The following CACNA2D4 variants were observed in gnomAD, a reference collection of about 807,000 sequenced individuals.
CACNA2D4 encodes the protein voltage-dependent calcium channel subunit alpha-2/delta-4.
A neutral mutation model predicts 163.8 loss-of-function variants in CACNA2D4; 157 were observed. The observed-to-expected ratio is 0.96, with a 90% confidence interval of 0.84 to 1.09. CACNA2D4 has a LOEUF of 1.09. Ranked by LOEUF, CACNA2D4 falls within the 50% of genes least tolerant of loss-of-function variation. CACNA2D4 has a pLI of 0.00. For synonymous variants in CACNA2D4, 598 were observed against 586.9 expected (o/e 1.02, Z -0.27); for missense variants, 1,410 against 1,479.9 (o/e 0.95, Z 0.78).
At chr12:1,884,584 A>G (rs968968950) in intron 11 of CACNA2D4, among the ~76,000 whole-genome samples, 184 bp downstream of exon 11, 17 of 151,866 alleles carry the variant, frequency 1.1e-4, no homozygotes, top group Non-Finnish European at 2.9e-5. Context: ...TTCCTACATC[A>G]GGCCTCTGTG....
At chr12:1,864,585 C>G (rs978782988) in intron 18 of CACNA2D4, among the ~76,000 whole-genome samples, 1 of 152,212 alleles carries the variant, frequency 6.6e-6, no homozygotes, top group African/African-American at 2.4e-5. Context: ...GTGCGGGTGA[C>G]TCCTCTTCCT....
chr12:1,860,271 C>A, intron 18 of CACNA2D4, 65 bp from the exon 19 acceptor site: 2 of 1,251,188 alleles, frequency 1.6e-6, no homozygotes, highest in South Asian at 2.5e-5. Flanking sequence ...CCCACCTCGC[C>A]CCCAGGGCTC....
chr12:1,834,314 G>T lies in CACNA2D4; in HGVS notation c.2551+6425C>A. ...CTGCACCCTGCCCAAGGAGCTGAGG[G>T]GGAAGGACATGCGGATGGTCCCCAT... is the stretch of plus-strand genomic sequence containing the variant. On this transcript the variant is annotated intron_variant, in intron 26 of 37. Transcript: ENST00000382722. This position sits in a 1 kb window ranked among gnomAD's most constrained non-coding sequence, Gnocchi z 7.6. The T allele has an allele frequency of 6.2e-7, 1 of 1,608,490 alleles. No individual in the cohort carries two copies. The highest frequency in any genetic ancestry group is 8.5e-7 in the Non-Finnish European group (1 of 1,177,054).
rs574803999 is a variant in CACNA2D4 at position 1,828,208 on chromosome 12, A to G, written c.2551+12531T>C. ...GCAGGCTCGCCCTGCAGTGGAGGCA[A>G]GTCTCCTGTGAGTACACCCCTGGCC... On this transcript the variant is annotated intron_variant, in intron 26 of 37. Coordinates refer to ENST00000382722, the MANE Select transcript of CACNA2D4 (RefSeq NM_172364.5). This position sits in a 1 kb window ranked among gnomAD's most constrained non-coding sequence, Gnocchi z 4.2. 48 of 1,545,588 alleles carry G rather than the reference A, an allele frequency of 3.1e-5. 1 individual carries two copies. In the South Asian group the frequency reaches 4.7e-4, roughly 15 times the overall value.
Position 1,799,245 on chromosome 12 carries a change from C to G in CACNA2D4, c.2995+430G>C, listed in dbSNP as rs946344893. Among the ~76,000 whole-genome samples the G allele has an allele frequency of 6.6e-6, 1 of 152,206 alleles. No homozygotes were observed. The highest frequency in any genetic ancestry group is 2.4e-5 in the African/African-American group (1 of 41,460). On this transcript the variant is annotated intron_variant, in intron 34 of 37. Transcript: ENST00000382722. This position sits in a 1 kb window ranked among gnomAD's most constrained non-coding sequence, Gnocchi z 4.7. The stretch of plus-strand genomic sequence containing the variant: ...TCATGGTTGCTGCCTCTGGGGGACT[C>G]TGTCCTCAGACACAGGGTCCCGCAG...
chr12:1,879,993 G>A (rs377480995), intron 13 of CACNA2D4, 112 bp from the exon 14 acceptor site: 77 of 633,188 alleles, frequency 1.2e-4, no homozygotes, highest in Non-Finnish European at 1.9e-4. Flanking sequence ...ATTATCCAGC[G>A]TCACCTTCCC....
At chr12:1,817,654 T>C (rs1404163579) in intron 26 of CACNA2D4, among the ~76,000 whole-genome samples, 1 of 152,156 alleles carries the variant, frequency 6.6e-6, no homozygotes, top group Non-Finnish European at 1.5e-5. Flanking sequence ...TGACTGGTTT[T>C]CATATTTTTT....
intron 26 of CACNA2D4, among the ~76,000 whole-genome samples, chr12:1,821,031 T>C (rs142807272): frequency 4.7e-4 from 71 of 152,320 alleles, no homozygotes; most frequent in African/African-American, 1.6e-3. Flanking sequence ...CCCACAGTGC[T>C]GGGGACAAGA....
chr12:1,836,558 T>C (rs1450033697), intron 26 of CACNA2D4: 1 of 152,500 alleles, frequency 6.6e-6, no homozygotes, highest in Non-Finnish European at 1.5e-5. Flanking sequence ...CAGGCGGCCC[T>C]GGCCATGGCC....
rs1280886084 is a variant in CACNA2D4 at position 1,820,140 on chromosome 12, G to A, written c.2552-8417C>T. The A allele has an allele frequency of 6.6e-6, 1 of 152,352 alleles. No individual in the cohort carries two copies. The highest frequency in any genetic ancestry group is 1.9e-4 in the East Asian group (1 of 5,190). 9.4% of individuals were successfully genotyped at this position (152,352 alleles called of 1,614,324 possible). ...AGGAGAAAGACCAGCTTCCCAGGGGGGCCTCCATCGGAACAGAAGTCAGCC... is the reference window on the plus strand; with the variant it reads ...AGGAGAAAGACCAGCTTCCCAGGGGAGCCTCCATCGGAACAGAAGTCAGCC... On this transcript the variant is annotated intron_variant, in intron 26 of 37. Coordinates refer to ENST00000382722, the MANE Select transcript of CACNA2D4 (RefSeq NM_172364.5). The surrounding 1 kb of genome is among the most constrained non-coding windows in gnomAD (Gnocchi z 6.0).
intron 26 of CACNA2D4, 193 bp from the exon 27 acceptor site, chr12:1,811,916 C>T (rs534841478): frequency 4.8e-4 from 282 of 588,542 alleles, no homozygotes; most frequent in Admixed American, 8.1e-4. Context: ...AGAACAGAGA[C>T]GGCAGCCTCT....
intron 26 of CACNA2D4, among the ~76,000 whole-genome samples, chr12:1,826,666 C>T (rs954036201): frequency 4.6e-5 from 7 of 151,882 alleles, no homozygotes; most frequent in African/African-American, 1.2e-4. Context: ...GAAAGACAGC[C>T]GAGAGGGCGG....
intron 23 of CACNA2D4, among the ~76,000 whole-genome samples, chr12:1,853,747 C>T (rs961163853): frequency 2.6e-5 from 4 of 152,166 alleles, no homozygotes; most frequent in Non-Finnish European, 5.9e-5. Context: ...GGCTGGAGTC[C>T]AACCCAGAGA....
intron 14 of CACNA2D4, 23 bp downstream of exon 14, chr12:1,879,781 C>A: frequency 6.4e-7 from 1 of 1,567,906 alleles, no homozygotes; most frequent in African/African-American, 1.4e-5. Context: ...CCTGCTACAA[C>A]GTCTCCAGGA....
At chr12:1,809,577 T>C (rs1565676799) in intron 29 of CACNA2D4, 2 of 702,188 alleles carry the variant, frequency 2.8e-6, no homozygotes, top group Non-Finnish European at 5.2e-6. Context: ...GCTAAAGGAA[T>C]AATCCATTTT....
intron 2 of CACNA2D4, among the ~76,000 whole-genome samples, 188 bp downstream of exon 2, chr12:1,914,666 C>T (rs1019314782): frequency 4.6e-5 from 7 of 152,190 alleles, no homozygotes; most frequent in Admixed American, 2.0e-4. Context: ...ACCACGCCCC[C>T]GAACCACCCC....
intron 2 of CACNA2D4, among the ~76,000 whole-genome samples, chr12:1,914,065 C>T (rs911332774): frequency 1.3e-5 from 2 of 152,188 alleles, no homozygotes; most frequent in African/African-American, 2.4e-5. Context: ...CACCCTGGCT[C>T]CTCTTACTTC....
chr12:1,816,794 G>A (rs761232558), intron 26 of CACNA2D4, among the ~76,000 whole-genome samples: 8 of 151,664 alleles, frequency 5.3e-5, no homozygotes, highest in Non-Finnish European at 8.8e-5. Context: ...ATGCACACAC[G>A]GACACACATG....
chr12:1,793,114 GGTGA>G lies in CACNA2D4; in HGVS notation c.*537_*540del, dbSNP rs1863022475. 6.5e-6 allele frequency: 1 copy of G among 154,206 alleles called. No homozygotes were observed. The highest frequency in any genetic ancestry group is 1.4e-5 in the Non-Finnish European group (1 of 69,268). The allele number at this position is 154,206 out of a possible 1,614,324, so 9.6% of individuals were successfully genotyped here. A position where few individuals can be genotyped will look rare whatever the true frequency, so the allele number is the denominator to read the frequency against. On this transcript the variant is annotated 3_prime_UTR_variant, in exon 38 of 38. Transcript: ENST00000382722. Reference sequence around the variant, plus strand: ...AACCTTTTCGAGCAGCAGCTAGGAAGGTGAGTGGCCTCCCACCATGAGCCTCACT... The same window carrying G: ...AACCTTTTCGAGCAGCAGCTAGGAAGGTGGCCTCCCACCATGAGCCTCACT...
Sources: gnomAD v4.1 joint callset for allele counts (sites outside exome capture counted in the v4.1 genomes callset) on GRCh38, gnomAD v4.1.1 for gene constraint, Gnocchi (gnomAD v3.1) non-coding constraint, MANE v1.5 for transcripts, NCBI Gene and HGNC (gene_info 2026-07-23, HGNC 2026-07-21) for gene names.